Variants in RIMS1 observed in about 807,000 individuals in gnomAD.
The protein encoded by RIMS1 is regulating synaptic membrane exocytosis 1, also known as regulating synaptic membrane exocytosis protein 1.
Under a neutral mutation model 214.1 loss-of-function variants are expected in RIMS1, and 83 were observed. The ratio of observed to expected loss-of-function variants is 0.39; its 90% CI spans 0.32 to 0.47. RIMS1 has a LOEUF of 0.47. Among genes scored for constraint, RIMS1 ranks in the 20% least tolerant of loss-of-function variants. The probability of loss-of-function intolerance (pLI) is 0.99; values close to 1 mark genes in which losing one functional copy is unlikely to be tolerated. For missense variants in RIMS1, 2,050 were observed against 2,161.8 expected (o/e 0.95, Z 1.03); for synonymous variants, 793 against 786.8 (o/e 1.01, Z -0.13).
At chr6:72,169,786 C>T (rs1237066198) in intron 4 of RIMS1, among the ~76,000 whole-genome samples, 1 of 152,112 alleles carries the variant, frequency 6.6e-6, no homozygotes, top group Non-Finnish European at 1.5e-5. Context: ...TGGTGCCTGC[C>T]TGTGGTCCCA....
intron 24 of RIMS1, among the ~76,000 whole-genome samples, chr6:72,285,929 G>A (rs1361749446): frequency 1.3e-5 from 2 of 151,972 alleles, no homozygotes; most frequent in African/African-American, 4.8e-5. Context: ...TGGTCATGGT[G>A]GCTCACACCT....
chr6:71,954,851 C>T (rs1044206708), intron 1 of RIMS1, among the ~76,000 whole-genome samples: 1 of 140,206 alleles, frequency 7.1e-6, no homozygotes, highest in Admixed American at 7.2e-5. Flanking sequence ...CCTCAGCACA[C>T]ACACACACAC....
chr6:71,890,399 T>TGA (rs1265351270), intron 1 of RIMS1, among the ~76,000 whole-genome samples: 1 of 36,696 alleles, frequency 2.7e-5, no homozygotes, highest in Non-Finnish European at 5.7e-5. Flanking sequence ...GTTTTGGATG[T>TGA]GAGTGTGTGT....
intron 29 of RIMS1, among the ~76,000 whole-genome samples, chr6:72,338,579 G>A (rs372620273): frequency 5.0e-4 from 76 of 151,990 alleles, no homozygotes; most frequent in Middle Eastern, 3.4e-3. Context: ...ATCTGACAAA[G>A]GGCTAATATC....
At chr6:72,383,880 A>G (rs1347165287) in intron 29 of RIMS1, among the ~76,000 whole-genome samples, 1 of 151,680 alleles carries the variant, frequency 6.6e-6, no homozygotes, top group East Asian at 1.9e-4. Flanking sequence ...CTCAAAAATA[A>G]AAAAAATATA....
intron 2 of RIMS1, among the ~76,000 whole-genome samples, chr6:72,002,470 C>A (rs565713837): frequency 6.6e-6 from 1 of 152,128 alleles, no homozygotes; most frequent in South Asian, 2.1e-4. Context: ...TTAAAAATAC[C>A]TCAGTGGGAC....
At chr6:71,891,900 A>C (rs186005431) in intron 1 of RIMS1, among the ~76,000 whole-genome samples, 283 of 152,306 alleles carry the variant, frequency 1.9e-3, no homozygotes, top group Middle Eastern at 6.8e-3. Context: ...ATCAAATATG[A>C]ATTCCTAAAA....
chr6:71,954,087 AT>A (rs1790454909), intron 1 of RIMS1, among the ~76,000 whole-genome samples: 1 of 152,184 alleles, frequency 6.6e-6, no homozygotes, highest in African/African-American at 2.4e-5. Context: ...AATTAAAATA[AT>A]TTTTAAAGCC....
intron 4 of RIMS1, chr6:72,156,115 TG>T: frequency 3.1e-6 from 1 of 325,666 alleles, no homozygotes; most frequent in Non-Finnish European, 6.3e-6. Flanking sequence ...ATCTCACTTC[TG>T]GATATACATC....
At chr6:72,213,133 C>G in intron 6 of RIMS1, 1 of 1,536,908 alleles carries the variant, frequency 6.5e-7, no homozygotes, top group South Asian at 1.2e-5. Flanking sequence ...ATGTGTGCAC[C>G]TGGGATTCAT....
At position 72,184,763 on chromosome 6, in the gene RIMS1, G is replaced by GA. The variant is rs397967233; in HGVS notation, c.1678+1626dup. On this transcript the variant is annotated intron_variant, in intron 6 of 33. Coordinates refer to ENST00000521978, the MANE Select transcript of RIMS1 (RefSeq NM_014989.7). ...TTTAATGCAAGGTGCTTTATTCTGG[G>GA]AAAAAAAAAAAAGTGCCAAAAAGGA... 3.6e-3 allele frequency among the ~76,000 whole-genome samples: 501 copies of GA among 137,280 alleles called. 2 individuals carry two copies. Among genetic ancestry groups the GA allele is most frequent in the African/African-American group, 6.5e-3 (250 of 38,168 alleles). The allele number at this position is 137,280 out of a possible 152,430, so 90.1% of individuals were successfully genotyped here.
intron 29 of RIMS1, among the ~76,000 whole-genome samples, chr6:72,356,111 A>T (rs1021454269): frequency 1.3e-5 from 2 of 152,182 alleles, no homozygotes; most frequent in African/African-American, 2.4e-5. Flanking sequence ...CAGTCAGTTG[A>T]CACAACAATC....
At chr6:72,212,234 AT>A (rs2053944661) in intron 6 of RIMS1, among the ~76,000 whole-genome samples, 1 of 151,776 alleles carries the variant, frequency 6.6e-6, no homozygotes, top group African/African-American at 2.4e-5. Flanking sequence ...AATTAGGAAT[AT>A]GCATCTCATT....
chr6:72,068,245 C>T (rs941555096), intron 2 of RIMS1, among the ~76,000 whole-genome samples: 5 of 152,194 alleles, frequency 3.3e-5, no homozygotes, highest in Admixed American at 6.5e-5. Context: ...AAACCTCTGC[C>T]ATGAAACCAG....
chr6:72,289,646 A>G (rs1251098876), intron 24 of RIMS1, among the ~76,000 whole-genome samples: 1 of 152,182 alleles, frequency 6.6e-6, no homozygotes, highest in Non-Finnish European at 1.5e-5. Context: ...TATAGCTATA[A>G]AAATCATTTT....
At chr6:72,358,755 G>A (rs1198356517) in intron 29 of RIMS1, among the ~76,000 whole-genome samples, 1 of 152,270 alleles carries the variant, frequency 6.6e-6, no homozygotes, top group South Asian at 2.1e-4. Flanking sequence ...CAAGAGGAAA[G>A]ACACCTTTTG....
Position 71,974,057 on chromosome 6 carries a change from G to C in RIMS1, c.245+4994G>C, listed in dbSNP as rs75521566. Among the ~76,000 whole-genome samples, 12 of 152,244 alleles carry C rather than the reference G, an allele frequency of 7.9e-5. No homozygotes were observed. In the East Asian group the frequency reaches 2.3e-3, roughly 29 times the overall value. Reference sequence around the variant, plus strand: ...CAAATCACATATCTTGTAACTAGCTGTCCCATGGGAAGTTGTTTCACCAGG... The same window carrying C: ...CAAATCACATATCTTGTAACTAGCTCTCCCATGGGAAGTTGTTTCACCAGG... On this transcript the variant is annotated intron_variant, in intron 2 of 33. Transcript: ENST00000521978.
At chr6:72,239,585 A>G (rs1184482192) in intron 9 of RIMS1, among the ~76,000 whole-genome samples, 3 of 152,204 alleles carry the variant, frequency 2.0e-5, no homozygotes, top group Non-Finnish European at 2.9e-5. Context: ...GGTGCAATCA[A>G]TGTGACTTTT....
In RIMS1 at chr6:72,097,176, G is replaced by A. The variant is rs770348073; in HGVS notation, c.459+14G>A. Reference sequence around the variant, plus strand: ...CGGTCAAACAACGTGAGTATTCCATGAACATAAGGGGCGTTGTGAATGTGG... The same window carrying A: ...CGGTCAAACAACGTGAGTATTCCATAAACATAAGGGGCGTTGTGAATGTGG... On this transcript the variant is annotated intron_variant, in intron 3 of 33. Transcript: ENST00000521978. The A allele has an allele frequency of 3.9e-5, 62 of 1,608,986 alleles. No individual in the cohort carries two copies. The highest frequency in any genetic ancestry group is 5.1e-5 in the Non-Finnish European group (60 of 1,176,182).
Sources: gnomAD v4.1 joint callset for allele counts (sites outside exome capture counted in the v4.1 genomes callset) on GRCh38, gnomAD v4.1.1 for gene constraint, MANE v1.5 for transcripts, NCBI Gene and HGNC (gene_info 2026-07-23, HGNC 2026-07-21) for gene names.